Variants in ZNF653 observed in about 807,000 individuals in gnomAD.
ZNF653 encodes the protein zinc finger protein 653, also known as 67 kDa zinc finger protein.
A neutral mutation model predicts 59.9 loss-of-function variants in ZNF653; 37 were observed. The ratio of observed to expected loss-of-function variants is 0.62; its 90% CI spans 0.48 to 0.81. The LOEUF (loss-of-function observed/expected upper bound fraction) is 0.81. Among genes scored for constraint, ZNF653 ranks in the 40% least tolerant of loss-of-function variants. The pLI, the probability that ZNF653 is intolerant of heterozygous loss-of-function variation, is 0.00. For missense variants in ZNF653, 808 were observed against 881.1 expected (o/e 0.92, Z 1.05); for synonymous variants, 435 against 371.8 (o/e 1.17, Z -1.96).
intron 3 of ZNF653, among the ~76,000 whole-genome samples, chr19:11,492,858 G>A (rs1971543553): frequency 6.6e-6 from 1 of 152,104 alleles, no homozygotes; most frequent in South Asian, 2.1e-4. Flanking sequence ...TGATTCTGAT[G>A]CTTCTGCCTG....
At chr19:11,494,048 A>G (rs1318182160) in intron 3 of ZNF653, among the ~76,000 whole-genome samples, 1 of 150,954 alleles carries the variant, frequency 6.6e-6, no homozygotes, top group African/African-American at 2.4e-5. Flanking sequence ...AAAGCCAGGT[A>G]TGGTGGCTCA....
At chr19:11,488,757 C>T (rs1334846426) in intron 3 of ZNF653, among the ~76,000 whole-genome samples, 2 of 151,586 alleles carry the variant, frequency 1.3e-5, no homozygotes, top group African/African-American at 2.4e-5. Context: ...GCCACCACGC[C>T]CAGCTAATTT....
chr19:11,487,953 ATTTG>A lies in ZNF653; in HGVS notation c.560-54_560-51del, dbSNP rs777058564. The A allele has an allele frequency of 8.1e-5, 112 of 1,385,618 alleles. 1 individual carries two copies. The highest frequency in any genetic ancestry group is 1.7e-4 in the South Asian group (9 of 51,570). The allele number at this position is 1,385,618 out of a possible 1,614,324, so 85.8% of individuals were successfully genotyped here. On this transcript the variant is annotated intron_variant, in intron 3 of 8. Coordinates refer to ENST00000293771, the MANE Select transcript of ZNF653 (RefSeq NM_138783.4). The surrounding 1 kb of genome is among the most constrained non-coding windows in gnomAD (Gnocchi z 5.1). ...GGTTATGATAGCTGCAGCCACTGGTATTTGTTTATTTAGTTTTTATTTTATTTTA... is the reference window on the plus strand; with the variant it reads ...GGTTATGATAGCTGCAGCCACTGGTATTTATTTAGTTTTTATTTTATTTTA...
rs1313398875 is a variant in ZNF653 at position 11,483,558 on chromosome 19, C to T, written c.*124G>A. ...CTGCCCAGGGGGCCCAGCTCTGGGG[C>T]GGGGCGGGGGCGCCTCCTTCCGGCC... On this transcript the variant is annotated 3_prime_UTR_variant, in exon 9 of 9. Coordinates refer to ENST00000293771, the MANE Select transcript of ZNF653 (RefSeq NM_138783.4). 3 of 1,424,724 alleles carry T rather than the reference C, an allele frequency of 2.1e-6. No individual in the cohort carries two copies. Among genetic ancestry groups the T allele is most frequent in the Non-Finnish European group, 2.8e-6 (3 of 1,086,978 alleles). 88.3% of individuals were successfully genotyped at this position (1,424,724 alleles called of 1,614,324 possible). A position where few individuals can be genotyped will look rare whatever the true frequency, so the allele number is the denominator to read the frequency against.
rs1201441300 is a variant in ZNF653 at position 11,483,812 on chromosome 19, C to T, written c.1718G>A (p.Trp573Ter). 6.2e-7 allele frequency: 1 copy of T among 1,610,832 alleles called. No homozygotes were observed. The highest frequency in any genetic ancestry group is 2.2e-5 in the East Asian group (1 of 44,702). ...YQCRQRASLN[W>*]HMKKHTAEVQ... The stretch of plus-strand genomic sequence containing the variant: ...CTCCGCAGTGTGCTTCTTCATGTGC[C>T]AGTTGAGCGACGCGCGCTGCCGGCA... Residue 573 changes from tryptophan (W) to a stop codon, truncating the protein, a stop_gained, in exon 9 of 9, where the codon TGG becomes TAG. Transcript: ENST00000293771. LOFTEE classifies it high-confidence loss of function.
chr19:11,486,061 C>T (rs1384732934), intron 6 of ZNF653, among the ~76,000 whole-genome samples: 3 of 152,176 alleles, frequency 2.0e-5, no homozygotes, highest in Non-Finnish European at 4.4e-5. Flanking sequence ...CACCATTCTC[C>T]TGCCACAGCC....
In ZNF653 at chr19:11,505,737, C is replaced by T. The variant is rs1310569146; in HGVS notation, c.50G>A (p.Gly17Asp). The change falls in exon 1 of 9, where the codon GGC (glycine) becomes GAC (aspartate). Residue 17 changes from glycine to aspartate, a missense_variant. Physicochemically the swap from Gly to Asp is moderately conservative, Grantham distance 94 (BLOSUM62 -1). Coordinates refer to ENST00000293771, the MANE Select transcript of ZNF653 (RefSeq NM_138783.4). ...CTCGGCTGCTGCCTCCCCGCCCGCG[C>T]CCGCCTCAGCCTCCGCCTCCGCCTC... is the stretch of plus-strand genomic sequence containing the variant. Reference protein sequence around the residue: ...EPEAEAEAEAGAGGEAAAEEG... With the variant: ...EPEAEAEAEADAGGEAAAEEG... 3 of 1,447,308 alleles carry T rather than the reference C, an allele frequency of 2.1e-6. No homozygotes were observed. Among genetic ancestry groups the T allele is most frequent in the South Asian group, 2.8e-5 (2 of 72,618 alleles). 89.7% of individuals were successfully genotyped at this position (1,447,308 alleles called of 1,614,324 possible). A position where few individuals can be genotyped will look rare whatever the true frequency, so the allele number is the denominator to read the frequency against.
At chr19:11,505,229 A>C in intron 1 of ZNF653, 1 of 417,360 alleles carries the variant, frequency 2.4e-6, no homozygotes. Flanking sequence ...CCAGAGTTCT[A>C]GCGGGCGGGG....
In ZNF653 at chr19:11,487,653, A is replaced by G; in HGVS notation, c.810T>C (p.Pro270=). The G allele has an allele frequency of 6.2e-7, 1 of 1,613,888 alleles. No individual in the cohort carries two copies. Among genetic ancestry groups the G allele is most frequent in the Non-Finnish European group, 8.5e-7 (1 of 1,179,978 alleles). ...CGCACACCACTGTCTCCAGGGCTTC[A>G]GGCCCATTGCCTGCTGGGTTGGAGC... ...PLCSNPAGNG[P]EALETVVCVP... is the part of the protein sequence containing the mutation. The change falls in exon 4 of 9, where the codon CCT becomes CCC. Residue 270 remains proline (P), a synonymous_variant. Transcript: ENST00000293771. This position sits in a 1 kb window ranked among gnomAD's most constrained non-coding sequence, Gnocchi z 5.1.
intron 2 of ZNF653, among the ~76,000 whole-genome samples, chr19:11,496,689 G>A (rs144113358): frequency 7.9e-5 from 12 of 152,286 alleles, no homozygotes; most frequent in South Asian, 4.1e-4. Flanking sequence ...CTAACATGGC[G>A]AAAACCCATC....
Position 11,488,137 on chromosome 19 carries a change from G to A in ZNF653, c.560-234C>T, listed in dbSNP as rs556559603. Among the ~76,000 whole-genome samples, 22 of 143,718 alleles carry A rather than the reference G, an allele frequency of 1.5e-4. No homozygotes were observed. In the East Asian group the frequency reaches 3.2e-3, roughly 21 times the overall value. 94.3% of individuals were successfully genotyped at this position (143,718 alleles called of 152,430 possible). A position where few individuals can be genotyped will look rare whatever the true frequency, so the allele number is the denominator to read the frequency against. On this transcript the variant is annotated intron_variant, in intron 3 of 8. Transcript: ENST00000293771. ...CGAGTAGCTGGGACTACAGGTGTGC[G>A]CCACCACACCTGGCTTTTTTTTTTT...
At chr19:11,496,536 C>G (rs1971590678) in intron 2 of ZNF653, among the ~76,000 whole-genome samples, 1 of 152,142 alleles carries the variant, frequency 6.6e-6, no homozygotes, top group Non-Finnish European at 1.5e-5. Context: ...AAGGGGGCGC[C>G]TGTGAATGCC....
intron 1 of ZNF653, chr19:11,504,603 C>A (rs148870439): frequency 1.0e-6 from 1 of 982,862 alleles, no homozygotes; most frequent in Admixed American, 6.2e-5. Context: ...CTGTTTGATT[C>A]TTGACTCTCA....
rs762917053 is a variant in ZNF653, at chr19:11,496,073, G to C, written c.436C>G (p.Leu146Val). The part of the protein sequence containing the change: ...RCPYEPHLAE[L>V]DPTFGLYTTA... ...GTGTACAGGCCAAAAGTGGGGTCTA[G>C]CTCCGCCAGGTGCGGCTCGTACGGG... Residue 146 changes from leucine (L) to valine (V), a missense_variant, in exon 3 of 9, where the codon CTA (leucine) becomes GTA (valine). Transcript: ENST00000293771. 1 of 1,614,186 alleles carries C rather than the reference G, an allele frequency of 6.2e-7. No individual in the cohort carries two copies.
intron 3 of ZNF653, among the ~76,000 whole-genome samples, chr19:11,493,070 T>C (rs955756658): frequency 2.0e-5 from 3 of 149,804 alleles, no homozygotes; most frequent in African/African-American, 7.4e-5. Context: ...TGTTTTTTTT[T>C]TTTTCTAGAC....
Position 11,484,055 on chromosome 19 carries a change from C to G in ZNF653, c.1657G>C (p.Glu553Gln). 6.4e-7 allele frequency: 1 copy of G among 1,556,954 alleles called. No individual in the cohort carries two copies. Among genetic ancestry groups the G allele is most frequent in the East Asian group, 2.4e-5 (1 of 41,424 alleles). ...CCTGTCACTCACTGCAGGGGGGTCT[C>G]GCCGGTGTGGGTGCGCCGATGTACC... ...LEVHRRTHTG[E>Q]TPLQCEICGY... The change falls in exon 8 of 9, where the codon GAG (glutamate) becomes CAG (glutamine). Residue 553 changes from glutamate to glutamine, a missense_variant. Transcript: ENST00000293771.
intron 1 of ZNF653, among the ~76,000 whole-genome samples, chr19:11,499,955 G>A (rs905154398): frequency 2.6e-5 from 4 of 152,048 alleles, no homozygotes; most frequent in African/African-American, 9.7e-5. Context: ...AACGATCTTC[G>A]TCATGGTACA....
At chr19:11,504,501 T>C in intron 1 of ZNF653, 3 of 985,106 alleles carry the variant, frequency 3.0e-6, no homozygotes, top group Non-Finnish European at 2.4e-6. Context: ...ATGAGGCAGG[T>C]ATCTTTGCGC....
In ZNF653 at chr19:11,495,607, G is replaced by A. The variant is rs991948665; in HGVS notation, c.559+343C>T. 16 of 353,128 alleles carry A rather than the reference G, an allele frequency of 4.5e-5. No individual in the cohort carries two copies. Among genetic ancestry groups the A allele is most frequent in the East Asian group, 2.0e-4 (3 of 14,908 alleles). 21.9% of individuals were successfully genotyped at this position (353,128 alleles called of 1,614,324 possible). ...CCTGGGTGGTTTAGGCGGCCGTTTC[G>A]CTGTGGGGGCCGAGCCCTGCCCCAG... is the stretch of plus-strand genomic sequence containing the variant. On this transcript the variant is annotated intron_variant, in intron 3 of 8. Coordinates refer to ENST00000293771, the MANE Select transcript of ZNF653 (RefSeq NM_138783.4). This position sits in a 1 kb window ranked among gnomAD's most constrained non-coding sequence, Gnocchi z 4.9.
Sources: gnomAD v4.1 joint callset for allele counts (sites outside exome capture counted in the v4.1 genomes callset) on GRCh38, gnomAD v4.1.1 for gene constraint, Gnocchi (gnomAD v3.1) non-coding constraint, MANE v1.5 for transcripts, NCBI Gene and HGNC (gene_info 2026-07-23, HGNC 2026-07-21) for gene names.